Variants in KCNMB2 observed in about 807,000 individuals in gnomAD.
The protein encoded by KCNMB2 is potassium calcium-activated channel subfamily M regulatory beta subunit 2.
In KCNMB2, 9 loss-of-function variants were observed where a neutral mutation model predicts 24.5. The observed-to-expected ratio is 0.37, with a 90% CI of 0.22 to 0.64. KCNMB2 has a LOEUF of 0.64. Among genes scored for constraint, KCNMB2 ranks in the 30% least tolerant of loss-of-function variants. The pLI is 0.63. For missense variants in KCNMB2, 226 were observed against 284.3 expected, an observed-to-expected ratio of 0.79 and a Z score of 1.47; for synonymous variants, 109 against 104.4, an observed-to-expected ratio of 1.04 and a Z score of -0.27.
At chr3:178,686,415 C>T (rs1033989330) in intron 1 of KCNMB2, among the ~76,000 whole-genome samples, 1 of 152,082 alleles carries the variant, frequency 6.6e-6, no homozygotes, top group Non-Finnish European at 1.5e-5. Context: ...TTTAGTAAGA[C>T]CTGTTTATTC....
At chr3:178,562,119 C>A (rs1716337788) in intron 1 of KCNMB2, among the ~76,000 whole-genome samples, 2 of 152,202 alleles carry the variant, frequency 1.3e-5, no homozygotes, top group Non-Finnish European at 2.9e-5. Context: ...GTGCTGGGTT[C>A]TTTGCCTACC....
intron 1 of KCNMB2, among the ~76,000 whole-genome samples, chr3:178,791,453 C>T (rs7373243): frequency 0.14 from 21,853 of 151,894 alleles, 1,864 homozygotes; most frequent in Non-Finnish European, 0.18. Flanking sequence ...GAAAAAAGAA[C>T]AAAAAACAAT....
intron 1 of KCNMB2, among the ~76,000 whole-genome samples, chr3:178,689,993 A>C (rs547894966): frequency 1.3e-5 from 2 of 151,676 alleles, no homozygotes; most frequent in Admixed American, 1.3e-4. Context: ...AGATTGTGCA[A>C]ATTTGAAATA....
intron 1 of KCNMB2, among the ~76,000 whole-genome samples, chr3:178,643,957 C>T (rs1174128513): frequency 6.6e-6 from 1 of 152,230 alleles, no homozygotes; most frequent in Non-Finnish European, 1.5e-5. Context: ...TTTTCCATCC[C>T]TTTTCACACT....
intron 1 of KCNMB2, among the ~76,000 whole-genome samples, chr3:178,756,677 T>A (rs1378910852): frequency 6.6e-6 from 1 of 152,068 alleles, no homozygotes; most frequent in Non-Finnish European, 1.5e-5. Context: ...ATTTCTCCCT[T>A]CCATAGCTTT....
intron 1 of KCNMB2, among the ~76,000 whole-genome samples, chr3:178,724,414 G>A (rs1722903192): frequency 2.0e-5 from 3 of 152,100 alleles, no homozygotes; most frequent in African/African-American, 7.2e-5. Context: ...TCCTTTGTCA[G>A]ATGCAGAGTT....
chr3:178,812,022 T>C (rs1714212218), intron 2 of KCNMB2, among the ~76,000 whole-genome samples: 1 of 152,184 alleles, frequency 6.6e-6, no homozygotes, highest in South Asian at 2.1e-4. Context: ...TTTCATTAGA[T>C]TTATATTTAA....
intron 1 of KCNMB2, among the ~76,000 whole-genome samples, chr3:178,660,993 A>ATT (rs1553829585): frequency 6.7e-6 from 1 of 149,922 alleles, no homozygotes; most frequent in African/African-American, 2.5e-5. Flanking sequence ...ACATATATAT[A>ATT]TATTATTATT....
At chr3:178,653,935 T>A (rs78518111) in intron 1 of KCNMB2, among the ~76,000 whole-genome samples, 1 of 152,124 alleles carries the variant, frequency 6.6e-6, no homozygotes, top group Non-Finnish European at 1.5e-5. Flanking sequence ...TCTTCCCTTT[T>A]TTTACTACTT....
intron 1 of KCNMB2, among the ~76,000 whole-genome samples, chr3:178,666,058 T>C (rs1720707043): frequency 1.3e-5 from 2 of 152,116 alleles, no homozygotes; most frequent in African/African-American, 4.8e-5. Context: ...GTCTATTCAA[T>C]GTAGATGTGT....
chr3:178,624,588 T>C (rs996966211), intron 1 of KCNMB2, among the ~76,000 whole-genome samples: 1 of 75,504 alleles, frequency 1.3e-5, no homozygotes, highest in Non-Finnish European at 2.5e-5. Context: ...TATTTTTTCT[T>C]TTTTTCTTTC....
chr3:178,614,267 A>G lies in KCNMB2; in HGVS notation c.-68+77556A>G, dbSNP rs1177544354. On this transcript the variant is annotated intron_variant, in intron 1 of 4. Coordinates refer to ENST00000452583, the MANE Select transcript of KCNMB2 (RefSeq NM_181361.3). Reference sequence around the variant, plus strand: ...TAATTTTATATATATATATATATATATATATATATATATATATATATATAT... The same window carrying G: ...TAATTTTATATATATATATATATATGTATATATATATATATATATATATAT... Among the ~76,000 whole-genome samples, 35 of 74,428 alleles carry G rather than the reference A, an allele frequency of 4.7e-4. 3 individuals carry two copies. The highest frequency in any genetic ancestry group is 2.0e-3 in the African/African-American group (34 of 16,734). The allele number at this position is 74,428 out of a possible 152,430, so 48.8% of individuals were successfully genotyped here.
intron 1 of KCNMB2, among the ~76,000 whole-genome samples, chr3:178,742,499 C>T (rs1326447104): frequency 6.6e-6 from 1 of 152,028 alleles, no homozygotes; most frequent in South Asian, 2.1e-4. Flanking sequence ...TATTTTTGGT[C>T]GAGGCAAAAC....
chr3:178,760,379 A>C, intron 1 of KCNMB2, among the ~76,000 whole-genome samples: 2 of 125,052 alleles, frequency 1.6e-5, no homozygotes, highest in Admixed American at 8.6e-5. Context: ...AGATATATAT[A>C]TTATATATAT....
chr3:178,691,366 A>G (rs1052942864), intron 1 of KCNMB2, among the ~76,000 whole-genome samples: 2 of 150,840 alleles, frequency 1.3e-5, no homozygotes, highest in African/African-American at 2.4e-5. Flanking sequence ...TATTAAGCTT[A>G]GTACCCATTA....
In KCNMB2 at chr3:178,598,120, C is replaced by G. The variant is rs2199568; in HGVS notation, c.-68+61409C>G. Among the ~76,000 whole-genome samples, 544 of 152,046 alleles carry G rather than the reference C, an allele frequency of 3.6e-3. 5 individuals carry two copies. The highest frequency in any genetic ancestry group is 0.013 in the African/African-American group (525 of 41,458). On this transcript the variant is annotated intron_variant, in intron 1 of 4. Transcript: ENST00000452583. ...AGTTTAAAACCAGCCTCAAAACTTGCGACATAAGCTCAGTCAGGTACCTGA... is the reference window on the plus strand; with the variant it reads ...AGTTTAAAACCAGCCTCAAAACTTGGGACATAAGCTCAGTCAGGTACCTGA...
Position 178,694,128 on chromosome 3 carries a change from C to T in KCNMB2, c.-67-113215C>T, listed in dbSNP as rs933991237. ...ACGAAACTTATAAGCATGGCAGAAGCGGAAGCAAGCATATCCTCCTTCATG... is the reference window on the plus strand; with the variant it reads ...ACGAAACTTATAAGCATGGCAGAAGTGGAAGCAAGCATATCCTCCTTCATG... On this transcript the variant is annotated intron_variant, in intron 1 of 4. Transcript: ENST00000452583. Among the ~76,000 whole-genome samples, 7 of 152,192 alleles carry T rather than the reference C, an allele frequency of 4.6e-5. No individual in the cohort carries two copies. The East Asian group carries it at 5.8e-4, about 13-fold the overall frequency.
chr3:178,843,376 C>A lies in KCNMB2; in HGVS notation c.*439C>A. The stretch of plus-strand genomic sequence containing the variant: ...TTTTTTTTTCTTATTCTAAACTGAG[C>A]CCTATAGCAAGTGAAGGGACCAGAT... On this transcript the variant is annotated 3_prime_UTR_variant, in exon 5 of 5. Transcript: ENST00000452583. 3.6e-6 allele frequency: 1 copy of A among 279,604 alleles called. No individual in the cohort carries two copies. The highest frequency in any genetic ancestry group is 3.2e-5 in the South Asian group (1 of 31,348). The allele number at this position is 279,604 out of a possible 1,614,324, so 17.3% of individuals were successfully genotyped here. A position where few individuals can be genotyped will look rare whatever the true frequency, so the allele number is the denominator to read the frequency against.
chr3:178,648,303 T>A (rs58792615), intron 1 of KCNMB2, among the ~76,000 whole-genome samples: 3,514 of 152,276 alleles, frequency 0.023, 127 homozygotes, highest in African/African-American at 0.079. Context: ...TTTGGGAAAC[T>A]GAGGCAAGAG....
Sources: allele counts gnomAD v4.1 joint callset (sites outside exome capture counted in the v4.1 genomes callset), GRCh38; gene constraint gnomAD v4.1.1; transcripts MANE v1.5; gene names NCBI Gene and HGNC (gene_info 2026-07-23, HGNC 2026-07-21).